NR1I2: variants seen among roughly 807,000 people sequenced by gnomAD.
NR1I2 encodes the protein nuclear receptor subfamily 1 group I member 2.
A neutral mutation model predicts 43.3 loss-of-function variants in NR1I2; 42 were observed. The ratio of observed to expected loss-of-function variants is 0.97; its 90% confidence interval spans 0.76 to 1.26. The LOEUF (loss-of-function observed/expected upper bound fraction) is 1.26. Among genes scored for constraint, NR1I2 ranks in the 50% most tolerant of loss-of-function variants. The probability of loss-of-function intolerance (pLI) is 0.00; values close to 1 mark genes in which losing one functional copy is unlikely to be tolerated. For synonymous variants in NR1I2, 229 were observed against 215.0 expected (o/e 1.06, Z -0.57); for missense variants, 559 against 566.7 (o/e 0.99, Z 0.14).
At chr3:119,792,523 G>T (rs2054935121) in intron 1 of NR1I2, 1 of 1,043,448 alleles carries the variant, frequency 9.6e-7, no homozygotes, top group Non-Finnish European at 1.5e-6. Context: ...TGCCGGCAGG[G>T]CAGTCCGTGC....
intron 1 of NR1I2, 41 bp from the exon 2 acceptor site, chr3:119,807,188 C>A: frequency 6.4e-7 from 1 of 1,563,100 alleles, no homozygotes; most frequent in South Asian, 1.1e-5. Context: ...CTACACATCC[C>A]TGTCCAGTCT....
At chr3:119,811,242 AC>A (rs2055236692) in intron 3 of NR1I2, 1 of 314,198 alleles carries the variant, frequency 3.2e-6, no homozygotes, top group Non-Finnish European at 5.9e-6. Flanking sequence ...TTTCATGCAA[AC>A]CCAGCGCCTT....
chr3:119,800,027 G>A (rs187455836), intron 1 of NR1I2, among the ~76,000 whole-genome samples: 2 of 151,542 alleles, frequency 1.3e-5, no homozygotes, highest in South Asian at 2.1e-4. Context: ...TATAATACCC[G>A]AAGCCTTCAC....
Position 119,815,737 on chromosome 3 carries a change from G to A in NR1I2, c.1066G>A (p.Val356Met), listed in dbSNP as rs1467387959. The change falls in exon 8 of 9, where the codon GTG (valine) becomes ATG (methionine). Residue 356 changes from valine (V) to methionine (M), a missense_variant. Transcript: ENST00000393716. ...TCCCTCCCCTCCAGACCGCCCAGGT[G>A]TGCTGCAGCACCGCGTGGTGGACCA... The A allele has an allele frequency of 1.2e-6, 2 of 1,613,366 alleles. No individual in the cohort carries two copies. Among genetic ancestry groups the A allele is most frequent in the South Asian group, 1.1e-5 (1 of 90,784 alleles).
intron 1 of NR1I2, among the ~76,000 whole-genome samples, chr3:119,788,104 T>A (rs1039176446): frequency 6.3e-5 from 7 of 111,822 alleles, no homozygotes; most frequent in African/African-American, 1.5e-4. Flanking sequence ...ATTGACTTTT[T>A]AAAAAATTAT....
chr3:119,788,086 C>T (rs1174307500), intron 1 of NR1I2, among the ~76,000 whole-genome samples: 1 of 149,622 alleles, frequency 6.7e-6, no homozygotes, highest in Non-Finnish European at 1.5e-5. Flanking sequence ...ATCTCACCCT[C>T]AAAGTACATT....
rs2055173664 is a variant in NR1I2, at chr3:119,807,232, A to G, written c.-19A>G. ...TCTGTGGTTTTCTCATTTCTAGTCC[A>G]AGAGGCCCAGAAGCAAACCTGGAGG... On this transcript the variant is annotated 5_prime_UTR_variant, in exon 2 of 9. Coordinates refer to ENST00000393716, the MANE Select transcript of NR1I2 (RefSeq NM_003889.4). The G allele has an allele frequency of 6.2e-7, 1 of 1,613,722 alleles. No individual in the cohort carries two copies. Among genetic ancestry groups the G allele is most frequent in the Non-Finnish European group, 8.5e-7 (1 of 1,179,670 alleles).
chr3:119,802,877 A>G (rs1171276532), intron 1 of NR1I2: 4 of 456,616 alleles, frequency 8.8e-6, no homozygotes, highest in Admixed American at 2.3e-5. Flanking sequence ...GATGATTGTT[A>G]TGAGGAATAA....
At chr3:119,805,168 C>T (rs187101086) in intron 1 of NR1I2, among the ~76,000 whole-genome samples, 16 of 152,150 alleles carry the variant, frequency 1.1e-4, no homozygotes, top group East Asian at 7.7e-4. Context: ...TTCAACCTCT[C>T]GTACTGTTTA....
At chr3:119,784,295 T>C (rs2054815680) in intron 1 of NR1I2, among the ~76,000 whole-genome samples, 1 of 152,232 alleles carries the variant, frequency 6.6e-6, no homozygotes, top group Non-Finnish European at 1.5e-5. Context: ...ATATTTTAAT[T>C]TCCCTGATTA....
rs371197173 is a variant in NR1I2 at position 119,793,148 on chromosome 3, G to C, written c.-23+10848G>C. ...TCCTGAGACCTCACCAGAAGCAGAT[G>C]CTGGTGCCAAGCTTGTACAGCCTTC... On this transcript the variant is annotated intron_variant, in intron 1 of 8. Coordinates refer to ENST00000393716, the MANE Select transcript of NR1I2 (RefSeq NM_003889.4). Among the ~76,000 whole-genome samples the C allele has an allele frequency of 2.6e-4, 39 of 152,254 alleles. No homozygotes were observed. In the East Asian group the frequency reaches 6.4e-3, roughly 25 times the overall value.
intron 1 of NR1I2, chr3:119,802,865 A>G (rs2055099096): frequency 2.2e-6 from 1 of 456,592 alleles, no homozygotes; most frequent in African/African-American, 2.0e-5. Context: ...GATAAATGCT[A>G]TGATGATTGT....
Position 119,803,430 on chromosome 3 carries a change from G to A in NR1I2, c.-22-3799G>A, listed in dbSNP as rs186103720. Among the ~76,000 whole-genome samples, 52 of 152,052 alleles carry A rather than the reference G, an allele frequency of 3.4e-4. No individual in the cohort carries two copies. The East Asian group carries it at 9.3e-3, about 27-fold the overall frequency. ...CTGGCTAGCCCCTTTCACTATATGA[G>A]GACAGAGGGAGAAAGTGCCATAGAT... On this transcript the variant is annotated intron_variant, in intron 1 of 8. Coordinates refer to ENST00000393716, the MANE Select transcript of NR1I2 (RefSeq NM_003889.4).
intron 8 of NR1I2, among the ~76,000 whole-genome samples, chr3:119,816,556 C>T (rs2055331653): frequency 6.6e-6 from 1 of 152,172 alleles, no homozygotes; most frequent in South Asian, 2.1e-4. Context: ...TGTCGTGGCT[C>T]ACACCTATAA....
At chr3:119,799,200 T>C (rs940504721) in intron 1 of NR1I2, among the ~76,000 whole-genome samples, 2 of 152,238 alleles carry the variant, frequency 1.3e-5, no homozygotes. Flanking sequence ...TTGCCGATTC[T>C]TACCTCTTTT....
chr3:119,804,198 T>C (rs967129949), intron 1 of NR1I2, among the ~76,000 whole-genome samples: 7 of 150,594 alleles, frequency 4.6e-5, no homozygotes, highest in Admixed American at 6.6e-5. Flanking sequence ...GGTGAAACCC[T>C]GTCTCTACTA....
At chr3:119,791,072 G>A (rs913112125) in intron 1 of NR1I2, among the ~76,000 whole-genome samples, 2 of 152,218 alleles carry the variant, frequency 1.3e-5, no homozygotes, top group African/African-American at 4.8e-5. Context: ...TTCCAATAAT[G>A]TTTTGGTGTC....
At chr3:119,811,926 C>T (rs999206087) in intron 4 of NR1I2, among the ~76,000 whole-genome samples, 200 bp downstream of exon 4, 8 of 152,108 alleles carry the variant, frequency 5.3e-5, no homozygotes, top group African/African-American at 1.9e-4. Flanking sequence ...AAGTGTGGTC[C>T]CTGGGTCAGC....
Position 119,817,533 on chromosome 3 carries a change from A to G in NR1I2, c.*321A>G. 3 of 1,230,682 alleles carry G rather than the reference A, an allele frequency of 2.4e-6. No homozygotes were observed. Among genetic ancestry groups the G allele is most frequent in the Non-Finnish European group, 3.1e-6 (3 of 970,064 alleles). The allele number at this position is 1,230,682 out of a possible 1,614,324, so 76.2% of individuals were successfully genotyped here. A position where few individuals can be genotyped will look rare whatever the true frequency, so the allele number is the denominator to read the frequency against. ...CCTGTGGTCTGGGGAGAAATCCCTC[A>G]GATCCCACTAAAGTGTCAAGGTGTG... On this transcript the variant is annotated 3_prime_UTR_variant, in exon 9 of 9. Transcript: ENST00000393716.
Sources: allele counts gnomAD v4.1 joint callset (sites outside exome capture counted in the v4.1 genomes callset), GRCh38; gene constraint gnomAD v4.1.1; transcripts MANE v1.5; gene names NCBI Gene and HGNC (gene_info 2026-07-23, HGNC 2026-07-21).